The following USP39 variants were observed in gnomAD, a reference collection of about 807,000 sequenced individuals.
USP39 encodes ubiquitin carboxyl-terminal hydrolase 39.
Under a neutral mutation model 66.4 loss-of-function variants are expected in USP39, and 38 were observed. The observed-to-expected ratio is 0.57, with a 90% CI of 0.44 to 0.75. The LOEUF (loss-of-function observed/expected upper bound fraction) is 0.75. USP39 is among the 30% of genes least tolerant of loss of function. The pLI is 0.00. For synonymous variants in USP39, 303 were observed against 274.6 expected, an observed-to-expected ratio of 1.10 and a Z score of -1.02; for missense variants, 608 against 714.4, an observed-to-expected ratio of 0.85 and a Z score of 1.70.
In USP39 at chr2:85,643,943, G is replaced by A. The variant is rs1676446233; in HGVS notation, c.1428-1005G>A. 1.3e-5 allele frequency among the ~76,000 whole-genome samples: 2 copies of A among 152,152 alleles called. 1 individual carries two copies. The highest frequency in any genetic ancestry group is 3.9e-4 in the East Asian group (2 of 5,176). ...GTTGGGATTACAGGCATGAGCCACC[G>A]CACCTGGCTTCCATTTTCTTAACAG... is the stretch of plus-strand genomic sequence containing the variant. On this transcript the variant is annotated intron_variant, in intron 10 of 12. Transcript: ENST00000323701.
chr2:85,632,007 G>A (rs1323031365), intron 6 of USP39, among the ~76,000 whole-genome samples: 1 of 152,028 alleles, frequency 6.6e-6, no homozygotes, highest in Admixed American at 6.6e-5. Flanking sequence ...CTCCCAAAGT[G>A]TTGGGATTAC....
intron 11 of USP39, among the ~76,000 whole-genome samples, chr2:85,647,537 T>C (rs1432334649): frequency 6.6e-6 from 1 of 151,596 alleles, no homozygotes; most frequent in Non-Finnish European, 1.5e-5. Flanking sequence ...GGCACACACC[T>C]GTAGTTCCAG....
At position 85,635,195 on chromosome 2, in the gene USP39, A is replaced by G. The variant is rs1246606689; in HGVS notation, c.950-858A>G. Among the ~76,000 whole-genome samples the G allele has an allele frequency of 2.6e-5, 4 of 152,344 alleles. No homozygotes were observed. The South Asian group carries it at 6.2e-4, about 24-fold the overall frequency. ...GAAATGAAGTTGAGGAAGATATACT[A>G]TAGTCTTTGAGATTTTAATTGCGTG... On this transcript the variant is annotated intron_variant, in intron 6 of 12. Transcript: ENST00000323701.
chr2:85,612,295 G>C, upstream of USP39: 4 of 1,535,606 alleles, frequency 2.6e-6, no homozygotes, highest in Non-Finnish European at 3.5e-6. Flanking sequence ...AGAACCTTCA[G>C]AAAAATGCAA....
At chr2:85,619,045 A>G (rs941872984) in intron 1 of USP39, among the ~76,000 whole-genome samples, 175 bp from the exon 2 acceptor site, 4 of 152,190 alleles carry the variant, frequency 2.6e-5, no homozygotes, top group African/African-American at 9.6e-5. Context: ...TGCTGGGATT[A>G]TAGGCATGAG....
At chr2:85,636,244 G>A (rs1487101502) in intron 7 of USP39, 114 bp downstream of exon 7, 1 of 948,530 alleles carries the variant, frequency 1.1e-6, no homozygotes, top group East Asian at 2.5e-5. Context: ...GAGGTGGGTG[G>A]ATTACCTGAG....
intron 5 of USP39, among the ~76,000 whole-genome samples, chr2:85,629,501 T>C (rs1281910140): frequency 2.7e-5 from 4 of 146,242 alleles, no homozygotes; most frequent in East Asian, 2.0e-4. Context: ...CTCTTTCTCT[T>C]TTTTTTTTTT....
At chr2:85,612,488 C>T, upstream of USP39, 1 of 1,009,718 alleles carries the variant, frequency 9.9e-7, no homozygotes, top group South Asian at 1.5e-5. Flanking sequence ...GATTGTGAGG[C>T]CTTGAAGTGC....
upstream of USP39, chr2:85,611,150 G>T: frequency 3.0e-6 from 2 of 664,480 alleles, no homozygotes; most frequent in South Asian, 3.3e-5. Context: ...TAAGGCTGCA[G>T]TAAGCCCAGA....
At chr2:85,604,811 T>C (rs1228228637) in intron 1 of USP39, among the ~76,000 whole-genome samples, 2 of 152,244 alleles carry the variant, frequency 1.3e-5, no homozygotes, top group Non-Finnish European at 2.9e-5. Context: ...CTTCTTGAGC[T>C]GGGTTTGAGT....
chr2:85,638,663 C>G (rs149077307), intron 8 of USP39, among the ~76,000 whole-genome samples: 2,545 of 152,028 alleles, frequency 0.017, 46 homozygotes, highest in African/African-American at 0.043. Context: ...CTCAGCCTCC[C>G]GAGTAGCTAG....
chr2:85,621,873 C>CGG lies in USP39; in HGVS notation c.433+294_433+295insGG, dbSNP rs1558852173. Among the ~76,000 whole-genome samples, 494 of 95,558 alleles carry CGG rather than the reference C, an allele frequency of 5.2e-3. 4 individuals are homozygous for CGG. The highest frequency in any genetic ancestry group is 0.029 in the African/African-American group (488 of 16,956). 62.7% of individuals were successfully genotyped at this position (95,558 alleles called of 152,430 possible). A position where few individuals can be genotyped will look rare whatever the true frequency, so the allele number is the denominator to read the frequency against. ...TTACTTTTTTAAAATTATTTTGAGA[C>CGG]AGTGTTGCCCAGGTTGGCTCACTGC... On this transcript the variant is annotated intron_variant, in intron 3 of 12. Transcript: ENST00000323701.
At chr2:85,621,677 A>G in intron 3 of USP39, 98 bp downstream of exon 3, 1 of 945,404 alleles carries the variant, frequency 1.1e-6, no homozygotes, top group Non-Finnish European at 1.6e-6. Context: ...ATATCTAATA[A>G]TTTCTATTTG....
upstream of USP39, among the ~76,000 whole-genome samples, chr2:85,615,470 C>G (rs1673856302): frequency 6.6e-6 from 1 of 152,166 alleles, no homozygotes; most frequent in Admixed American, 6.5e-5. Context: ...TTTGCGTTTT[C>G]ATGGTACCAA....
At chr2:85,645,471 A>G (rs917537520) in intron 11 of USP39, among the ~76,000 whole-genome samples, 3 of 151,912 alleles carry the variant, frequency 2.0e-5, no homozygotes, top group African/African-American at 7.3e-5. Flanking sequence ...TTTAGTAGAG[A>G]CGGGGTTTTA....
In USP39 at chr2:85,616,480, C is replaced by T. The variant is rs763645476; in HGVS notation, c.268+17C>T. On this transcript the variant is annotated intron_variant, in intron 1 of 12. Coordinates refer to ENST00000323701, the MANE Select transcript of USP39 (RefSeq NM_006590.4). ...AGGTGCGAGGTGCGCGGGGCCGGGCCGGGCTAGGCGCGAGAGCCTGTTTTT... is the reference window on the plus strand; with the variant it reads ...AGGTGCGAGGTGCGCGGGGCCGGGCTGGGCTAGGCGCGAGAGCCTGTTTTT... 1.0e-5 allele frequency: 13 copies of T among 1,245,654 alleles called. No homozygotes were observed. The East Asian group carries it at 5.5e-4, about 52-fold the overall frequency. 77.2% of individuals were successfully genotyped at this position (1,245,654 alleles called of 1,614,324 possible).
intron 11 of USP39, among the ~76,000 whole-genome samples, chr2:85,646,424 A>G (rs1307138073): frequency 6.6e-6 from 1 of 152,222 alleles, no homozygotes; most frequent in Non-Finnish European, 1.5e-5. Flanking sequence ...CACACCTCCA[A>G]GACAGATGTC....
chr2:85,606,979 G>C (rs1414390275), intron 1 of USP39: 1 of 151,996 alleles, frequency 6.6e-6, no homozygotes, highest in African/African-American at 2.4e-5. Flanking sequence ...TAGAGACGGG[G>C]TTTCTGTGTT....
At chr2:85,611,560 G>A (rs1306414909), upstream of USP39, 1 of 1,551,098 alleles carries the variant, frequency 6.4e-7, no homozygotes, top group South Asian at 1.2e-5. Flanking sequence ...GGAAAGAGAC[G>A]AGATGAGCTG....
Sources: allele counts gnomAD v4.1 joint callset (sites outside exome capture counted in the v4.1 genomes callset), GRCh38; gene constraint gnomAD v4.1.1; transcripts MANE v1.5; gene names NCBI Gene and HGNC (gene_info 2026-07-23, HGNC 2026-07-21).